The following CMIP variants were observed in gnomAD, a reference collection of about 807,000 sequenced individuals.
The protein encoded by CMIP is C-Maf-inducing protein.
Under a neutral mutation model 97.3 loss-of-function variants are expected in CMIP, and 13 were observed. The observed-to-expected ratio is 0.13, with a 90% CI of 0.09 to 0.21. The LOEUF (loss-of-function observed/expected upper bound fraction) is 0.21. CMIP is among the 10% of genes least tolerant of loss of function. CMIP has a pLI of 1.00. For missense variants in CMIP, 847 were observed against 1,024.9 expected, an observed-to-expected ratio of 0.83 and a Z score of 2.37; for synonymous variants, 538 against 436.3, an observed-to-expected ratio of 1.23 and a Z score of -2.91.
In CMIP at chr16:81,452,560, C is replaced by T. The variant is rs549371155; in HGVS notation, c.300+7019C>T. 4.6e-5 allele frequency among the ~76,000 whole-genome samples: 7 copies of T among 152,148 alleles called. No individual in the cohort carries two copies. In the East Asian group the frequency reaches 1.4e-3, roughly 29 times the overall value. The stretch of plus-strand genomic sequence containing the variant: ...CAAGCAGGGTGGGGCGAGTGGTGGG[C>T]TGCTTTGTACATAGTGGTCAGGGAA... On this transcript the variant is annotated intron_variant, in intron 1 of 20. Transcript: ENST00000537098.
At chr16:81,645,867 C>A in intron 3 of CMIP, 2 of 531,996 alleles carry the variant, frequency 3.8e-6, no homozygotes, top group Non-Finnish European at 6.8e-6. Context: ...TCACAGCAAG[C>A]CTTTGACAGT....
chr16:81,649,241 A>G (rs1182264521), intron 3 of CMIP, among the ~76,000 whole-genome samples: 2 of 152,256 alleles, frequency 1.3e-5, no homozygotes, highest in Non-Finnish European at 2.9e-5. Context: ...CAGCCTCTGC[A>G]GACTCTCCCA....
At chr16:81,481,534 G>C (rs1028166249) in intron 1 of CMIP, among the ~76,000 whole-genome samples, 4 of 152,212 alleles carry the variant, frequency 2.6e-5, no homozygotes, top group Admixed American at 2.6e-4. Context: ...ATCTGCGTGG[G>C]ATGGGGCCAT....
intron 1 of CMIP, among the ~76,000 whole-genome samples, chr16:81,517,061 C>G (rs58655165): frequency 2.1e-5 from 3 of 140,292 alleles, no homozygotes; most frequent in South Asian, 2.3e-4. Flanking sequence ...AAGGTCATCA[C>G]TGAAAAGCCA....
intron 1 of CMIP, among the ~76,000 whole-genome samples, chr16:81,465,431 C>G (rs1442426608): frequency 6.6e-6 from 1 of 152,214 alleles, no homozygotes; most frequent in African/African-American, 2.4e-5. Context: ...CACCCCGTGT[C>G]TGACGCTGTG....
intron 1 of CMIP, among the ~76,000 whole-genome samples, chr16:81,521,406 C>G (rs956604929): frequency 6.6e-6 from 1 of 151,996 alleles, no homozygotes; most frequent in African/African-American, 2.4e-5. Context: ...ACACGAGCTG[C>G]CCCCGCTGTC....
intron 1 of CMIP, among the ~76,000 whole-genome samples, chr16:81,535,133 G>T (rs1048633764): frequency 1.3e-5 from 2 of 152,094 alleles, no homozygotes; most frequent in Non-Finnish European, 2.9e-5. Context: ...TGTACTTTTA[G>T]TAGAGACGGG....
intron 1 of CMIP, among the ~76,000 whole-genome samples, chr16:81,507,955 G>A (rs1005788915): frequency 6.6e-6 from 1 of 152,148 alleles, no homozygotes; most frequent in Non-Finnish European, 1.5e-5. Context: ...GCCTTTCTTG[G>A]TTTATTTCCC....
chr16:81,683,771 T>C (rs1190200252), intron 10 of CMIP, among the ~76,000 whole-genome samples: 4 of 138,162 alleles, frequency 2.9e-5, no homozygotes, highest in African/African-American at 1.1e-4. Context: ...TTTTTTTTTT[T>C]TTTTTTTTGC....
chr16:81,698,765 C>G (rs1054957182), intron 14 of CMIP, among the ~76,000 whole-genome samples: 1 of 152,292 alleles, frequency 6.6e-6, no homozygotes, highest in Admixed American at 6.5e-5. Flanking sequence ...ACTGACTCCC[C>G]CTTCCTCCCG....
At chr16:81,459,904 C>G (rs1229511370) in intron 1 of CMIP, among the ~76,000 whole-genome samples, 5 of 152,236 alleles carry the variant, frequency 3.3e-5, no homozygotes, top group Non-Finnish European at 7.3e-5. Context: ...AAGGGGTCTT[C>G]TTCCTCCGAG....
chr16:81,614,642 G>A lies in CMIP; in HGVS notation c.427-6234G>A, dbSNP rs2091883189. On this transcript the variant is annotated intron_variant, in intron 2 of 20. Coordinates refer to ENST00000537098, the MANE Select transcript of CMIP (RefSeq NM_198390.3). The surrounding 1 kb of genome is among the most constrained non-coding windows in gnomAD (Gnocchi z 5.3). ...AAACTACCTGCACAGTCCTGCGTGT[G>A]GGACTGTGGTGTGTGTGTATGTATG... Among the ~76,000 whole-genome samples the A allele has an allele frequency of 6.6e-6, 1 of 152,068 alleles. No individual in the cohort carries two copies. The highest frequency in any genetic ancestry group is 6.5e-5 in the Admixed American group (1 of 15,270).
At chr16:81,500,133 G>C (rs989110203) in intron 1 of CMIP, among the ~76,000 whole-genome samples, 1 of 151,620 alleles carries the variant, frequency 6.6e-6, no homozygotes, top group African/African-American at 2.4e-5. Flanking sequence ...CCCAGCCTCT[G>C]GCGACTTTTA....
chr16:81,683,271 T>C (rs957218088), intron 10 of CMIP, among the ~76,000 whole-genome samples: 18 of 152,218 alleles, frequency 1.2e-4, no homozygotes, highest in Admixed American at 8.5e-4. Context: ...GACGCGCTTC[T>C]GATTGGCTCC....
rs1022326189 is a variant in CMIP at position 81,620,802 on chromosome 16, A to G, written c.427-74A>G. The G allele has an allele frequency of 2.5e-6, 4 of 1,579,362 alleles. No homozygotes were observed. In the Admixed American group the frequency reaches 5.1e-5, roughly 20 times the overall value. On this transcript the variant is annotated intron_variant, in intron 2 of 20. Coordinates refer to ENST00000537098, the MANE Select transcript of CMIP (RefSeq NM_198390.3). ...CTACAGAGCAGGCTTGGGGGCTCAC[A>G]TGCTGGCCTTGAAATGCCCTGAGAT...
chr16:81,615,054 CTGTG>C (rs375064531), intron 2 of CMIP, among the ~76,000 whole-genome samples: 3 of 120,482 alleles, frequency 2.5e-5, no homozygotes, highest in Non-Finnish European at 3.5e-5. Flanking sequence ...ATCTGTGTGT[CTGTG>C]TGAGGTGTGT....
At chr16:81,481,061 G>A (rs1908230412) in intron 1 of CMIP, among the ~76,000 whole-genome samples, 1 of 152,232 alleles carries the variant, frequency 6.6e-6, no homozygotes, top group African/African-American at 2.4e-5. Flanking sequence ...CAGGGCTTTG[G>A]CCCGGCTGTC....
In CMIP at chr16:81,699,732, C is replaced by T. The variant is rs756500002; in HGVS notation, c.1686C>T (p.Leu562=). 14 of 1,613,796 alleles carry T rather than the reference C, an allele frequency of 8.7e-6. No homozygotes were observed. In the East Asian group the frequency reaches 2.7e-4, roughly 31 times the overall value. ...GSCYKTKKFL[L]SLAENKLGPC... ...GTTACAAGACCAAAAAATTCCTGCT[C>T]TCCCTGGCAGAAAACAAGCTGGGTC... is the stretch of plus-strand genomic sequence containing the variant. Residue 562 remains leucine, a synonymous_variant, in exon 15 of 21, where the codon CTC becomes CTT. Transcript: ENST00000537098.
chr16:81,668,930 C>T (rs1447463427), intron 7 of CMIP, among the ~76,000 whole-genome samples: 1 of 147,246 alleles, frequency 6.8e-6, no homozygotes, highest in African/African-American at 2.5e-5. Context: ...ACACTCACGG[C>T]CTTCCACACC....
Sources: allele counts gnomAD v4.1 joint callset (sites outside exome capture counted in the v4.1 genomes callset), GRCh38; gene constraint gnomAD v4.1.1; non-coding constraint Gnocchi (gnomAD v3.1); transcripts MANE v1.5; gene names NCBI Gene and HGNC (gene_info 2026-07-23, HGNC 2026-07-21).